Variants in WDR44 observed in about 807,000 individuals in gnomAD.
WDR44 encodes the protein WD repeat-containing protein 44.
A neutral mutation model predicts 65.7 loss-of-function variants in WDR44; 9 were observed. The ratio of observed to expected loss-of-function variants is 0.14; its 90% confidence interval spans 0.08 to 0.24. WDR44 has a LOEUF of 0.24. WDR44 is among the 10% of genes least tolerant of loss of function. The probability of loss-of-function intolerance (pLI) is 1.00; values close to 1 mark genes in which losing one functional copy is unlikely to be tolerated. For missense variants in WDR44, 425 were observed against 670.9 expected, an observed-to-expected ratio of 0.63 and a Z score of 4.05; for synonymous variants, 220 against 235.2, an observed-to-expected ratio of 0.94 and a Z score of 0.59.
intron 1 of WDR44, among the ~76,000 whole-genome samples, chrX:118,366,313 C>G (rs1180616369): frequency 9.0e-6 from 1 of 111,498 alleles, no homozygotes; most frequent in Non-Finnish European, 1.9e-5. Context: ...AATCTTAGCA[C>G]ATTCTGAGTG....
At chrX:118,437,883 A>G (rs1362729781) in intron 14 of WDR44, among the ~76,000 whole-genome samples, 2 of 110,996 alleles carry the variant, frequency 1.8e-5, no homozygotes, top group African/African-American at 6.5e-5. Context: ...TAAAAATACA[A>G]ACGTTAGTCA....
intron 8 of WDR44, among the ~76,000 whole-genome samples, chrX:118,402,117 T>G (rs1202275474): frequency 9.1e-6 from 1 of 109,353 alleles, no homozygotes; most frequent in Non-Finnish European, 1.9e-5. Flanking sequence ...GATATGAGAG[T>G]TAAGTGCTTG....
intron 9 of WDR44, among the ~76,000 whole-genome samples, chrX:118,404,893 G>A (rs185326435): frequency 3.5e-4 from 39 of 110,353 alleles, no homozygotes; most frequent in Non-Finnish European, 6.4e-4. Context: ...GTAGAGACGG[G>A]GTTTCACTGT....
At chrX:118,447,875 A>AATATAT (rs10570740) in intron 19 of WDR44, among the ~76,000 whole-genome samples, 755 of 54,676 alleles carry the variant, frequency 0.014, 10 homozygotes, top group Non-Finnish European at 0.02. Flanking sequence ...CTCTATCTAA[A>AATATAT]ATATATATAT....
chrX:118,413,811 C>G (rs1275203858), intron 12 of WDR44, among the ~76,000 whole-genome samples: 3 of 112,003 alleles, frequency 2.7e-5, no homozygotes, highest in Non-Finnish European at 5.6e-5. Context: ...TTTATGCTTT[C>G]AGGTCTTAGA....
At chrX:118,444,947 C>T in intron 19 of WDR44, 1 of 329,079 alleles carries the variant, frequency 3.0e-6, no homozygotes. Flanking sequence ...CTGAACTTTT[C>T]AGTAATATAT....
intron 19 of WDR44, 30 bp downstream of exon 19, chrX:118,444,524 C>G (rs776067105): frequency 2.5e-6 from 3 of 1,194,523 alleles, no homozygotes. Flanking sequence ...ATATTTTTTT[C>G]TAGTCAGCAC....
intron 1 of WDR44, among the ~76,000 whole-genome samples, chrX:118,361,718 A>G (rs1303639381): frequency 1.8e-5 from 2 of 112,074 alleles, no homozygotes; most frequent in African/African-American, 6.5e-5. Flanking sequence ...ATCATGCCAC[A>G]CTGCACTACA....
At chrX:118,393,417 A>G (rs1443451807) in intron 4 of WDR44, 146 bp downstream of exon 4, 8 of 592,368 alleles carry the variant, frequency 1.4e-5, no homozygotes, top group Non-Finnish European at 2.0e-5. Flanking sequence ...CCATCTGAGC[A>G]ACAACAACAA....
Position 118,346,315 on chromosome X carries a change from C to T in WDR44, c.-189C>T. ...TCAGGCGGCCGCTTTGCCGGTCATT[C>T]CCGAAGCCCGGCAACTGAGGGCGGC... On this transcript the variant is annotated 5_prime_UTR_variant, in exon 1 of 20. Transcript: ENST00000254029. The T allele has an allele frequency of 4.7e-6, 2 of 424,000 alleles. No homozygotes were observed. The highest frequency in any genetic ancestry group is 8.8e-5 in the Admixed American group (2 of 22,733). 34.9% of individuals were successfully genotyped at this position (424,000 alleles called of 1,213,427 possible).
chrX:118,439,883 T>G (rs1340072745), intron 14 of WDR44, among the ~76,000 whole-genome samples: 2 of 107,292 alleles, frequency 1.9e-5, no homozygotes, highest in Non-Finnish European at 3.8e-5. Flanking sequence ...ACTTTGGGAG[T>G]TTGAGGCAGG....
At chrX:118,419,382 G>T (rs746175279) in intron 12 of WDR44, among the ~76,000 whole-genome samples, 3 of 111,857 alleles carry the variant, frequency 2.7e-5, no homozygotes, top group Non-Finnish European at 5.6e-5. Flanking sequence ...TCTATATTTC[G>T]CTGGGCTCTC....
At chrX:118,357,626 A>G (rs1434284073) in intron 1 of WDR44, among the ~76,000 whole-genome samples, 1 of 111,659 alleles carries the variant, frequency 9.0e-6, no homozygotes, top group Non-Finnish European at 1.9e-5. Context: ...TCATGCCTGT[A>G]ATCCCAGCTA....
chrX:118,386,850 G>C (rs2056772201), intron 2 of WDR44, among the ~76,000 whole-genome samples: 1 of 111,017 alleles, frequency 9.0e-6, no homozygotes, highest in Non-Finnish European at 1.9e-5. Context: ...TGTCCCATTT[G>C]GCATAAAATT....
chrX:118,418,588 A>AG (rs939699793), intron 12 of WDR44, among the ~76,000 whole-genome samples: 121 of 111,108 alleles, frequency 1.1e-3, no homozygotes, highest in Non-Finnish European at 2.0e-3. Context: ...TGGAAGTGGC[A>AG]GGGGGGTGAA....
chrX:118,438,797 G>GTTTTTTTTTTTTGTT (rs2057276729), intron 14 of WDR44, among the ~76,000 whole-genome samples: 1 of 64,071 alleles, frequency 1.6e-5, no homozygotes, highest in Admixed American at 2.4e-4. Flanking sequence ...GTTCAGCCAT[G>GTTTTTTTTTTTTGTT]TTTTTTTTTT....
intron 12 of WDR44, 58 bp downstream of exon 12, chrX:118,411,017 T>C: frequency 1.0e-6 from 1 of 975,666 alleles, no homozygotes. Context: ...TTGTTTACCA[T>C]AAAGTATTTT....
intron 2 of WDR44, among the ~76,000 whole-genome samples, chrX:118,383,878 CTT>C (rs549809406): frequency 8.6e-5 from 6 of 69,811 alleles, no homozygotes; most frequent in Non-Finnish European, 1.3e-4. Flanking sequence ...TTTTTAATTT[CTT>C]TTTTTTTTTT....
chrX:118,352,321 TATATATATATATA>T (rs2056414157), intron 1 of WDR44, among the ~76,000 whole-genome samples: 2 of 8,560 alleles, frequency 2.3e-4, no homozygotes, highest in African/African-American at 8.3e-4. Context: ...AGCTAATTTA[TATATATATATATA>T]TATATATATA....
Sources: gnomAD v4.1 joint callset for allele counts (sites outside exome capture counted in the v4.1 genomes callset) on GRCh38, gnomAD v4.1.1 for gene constraint, MANE v1.5 for transcripts, NCBI Gene and HGNC (gene_info 2026-07-23, HGNC 2026-07-21) for gene names.